The following TOR1AIP2 variants were observed in gnomAD, a reference collection of about 807,000 sequenced individuals.
The protein encoded by TOR1AIP2 is torsin-1A-interacting protein 2.
Under a neutral mutation model 32.6 loss-of-function variants are expected in TOR1AIP2, and 20 were observed. That is an observed-to-expected ratio of 0.61 (90% CI 0.43 to 0.89). The LOEUF (loss-of-function observed/expected upper bound fraction) is 0.89. TOR1AIP2 is among the 40% of genes least tolerant of loss of function. The pLI, the probability that TOR1AIP2 is intolerant of heterozygous loss-of-function variation, is 0.00. For missense variants in TOR1AIP2, 456 were observed against 553.8 expected, an observed-to-expected ratio of 0.82 and a Z score of 1.77; for synonymous variants, 214 against 210.8, an observed-to-expected ratio of 1.02 and a Z score of -0.13.
rs1194359331 is a variant in TOR1AIP2 at position 179,843,530 on chromosome 1, A to AG, written c.*2540_*2541insC. ...TCTCTCAAAAAAAAAAAAAAAAAAA[A>AG]AAGAAGTTTGGTTGGGTGCATTGGG... On this transcript the variant is annotated 3_prime_UTR_variant, in exon 7 of 7. Transcript: ENST00000609928. 1.3e-4 allele frequency: 20 copies of AG among 151,864 alleles called. No individual in the cohort carries two copies. Among genetic ancestry groups the AG allele is most frequent in the African/African-American group, 4.6e-4 (19 of 41,018 alleles). 9.4% of individuals were successfully genotyped at this position (151,864 alleles called of 1,614,324 possible).
intron 2 of TOR1AIP2, among the ~76,000 whole-genome samples, chr1:179,872,013 T>C (rs1291347595): frequency 2.0e-5 from 3 of 152,228 alleles, no homozygotes; most frequent in African/African-American, 7.2e-5. Context: ...AGAAGGCATA[T>C]GGATGACAAT....
At chr1:179,869,896 A>G (rs956539510) in intron 2 of TOR1AIP2, among the ~76,000 whole-genome samples, 1 of 152,236 alleles carries the variant, frequency 6.6e-6, no homozygotes, top group Non-Finnish European at 1.5e-5. Flanking sequence ...AATAACACTT[A>G]GTAGCTAACA....
chr1:179,863,795 A>G (rs1340091590), intron 3 of TOR1AIP2: 5 of 985,192 alleles, frequency 5.1e-6, no homozygotes, highest in Non-Finnish European at 6.0e-6. Flanking sequence ...TGGCATGTTA[A>G]GTGTAATTTA....
chr1:179,866,466 G>A (rs895804061), intron 2 of TOR1AIP2, among the ~76,000 whole-genome samples: 1 of 152,064 alleles, frequency 6.6e-6, no homozygotes. Flanking sequence ...AGGCTGGAGT[G>A]CAATGGCACA....
chr1:179,860,986 A>T lies in TOR1AIP2; in HGVS notation c.-147+4450T>A, dbSNP rs182936329. 4 of 985,100 alleles carry T rather than the reference A, an allele frequency of 4.1e-6. No individual in the cohort carries two copies. In the African/African-American group the frequency reaches 7.0e-5, roughly 17 times the overall value. The allele number at this position is 985,100 out of a possible 1,614,324, so 61.0% of individuals were successfully genotyped here. A position where few individuals can be genotyped will look rare whatever the true frequency, so the allele number is the denominator to read the frequency against. Reference sequence around the variant, plus strand: ...GTAACTCAGAGATGAATCTTACCTCACTCACTCATATCCCCCAACAGCCAC... The same window carrying T: ...GTAACTCAGAGATGAATCTTACCTCTCTCACTCATATCCCCCAACAGCCAC... On this transcript the variant is annotated intron_variant, in intron 3 of 6. Transcript: ENST00000609928.
At chr1:179,864,035 G>T in intron 3 of TOR1AIP2, 1 of 985,392 alleles carries the variant, frequency 1.0e-6, no homozygotes, top group Non-Finnish European at 1.2e-6. Flanking sequence ...ATTTCCAGGG[G>T]AGGACGTTGT....
intron 3 of TOR1AIP2, among the ~76,000 whole-genome samples, chr1:179,853,283 C>T (rs560609391): frequency 1.3e-5 from 2 of 152,306 alleles, no homozygotes; most frequent in South Asian, 4.1e-4. Flanking sequence ...GAGATGGCTG[C>T]TTTGAGGTGT....
intron 3 of TOR1AIP2, chr1:179,862,055 CAA>C: frequency 3.0e-6 from 3 of 985,326 alleles, no homozygotes; most frequent in Non-Finnish European, 3.6e-6. Flanking sequence ...CCTGAGGAAT[CAA>C]AATTTCTAAA....
rs1392954292 is a variant in TOR1AIP2 at position 179,841,748 on chromosome 1, G to A, written c.*4323C>T. On this transcript the variant is annotated 3_prime_UTR_variant, in exon 7 of 7. Transcript: ENST00000609928. ...TAACATTCATTTTTGAAGTGCCAGA[G>A]ACCTGCCTATGTCGCATAAAGTTTG... is the stretch of plus-strand genomic sequence containing the variant. The A allele has an allele frequency of 6.6e-6, 1 of 152,216 alleles. No homozygotes were observed. Among genetic ancestry groups the A allele is most frequent in the Admixed American group, 6.5e-5 (1 of 15,282 alleles). 9.4% of individuals were successfully genotyped at this position (152,216 alleles called of 1,614,324 possible). A position where few individuals can be genotyped will look rare whatever the true frequency, so the allele number is the denominator to read the frequency against.
intron 2 of TOR1AIP2, among the ~76,000 whole-genome samples, chr1:179,870,936 T>C (rs1271589703): frequency 6.6e-6 from 1 of 152,252 alleles, no homozygotes; most frequent in Non-Finnish European, 1.5e-5. Context: ...TTTCACTTAT[T>C]TGAGGAGCGC....
chr1:179,845,566 A>C lies in TOR1AIP2; in HGVS notation c.*505T>G, dbSNP rs1695870757. 1 of 152,654 alleles carries C rather than the reference A, an allele frequency of 6.6e-6. No homozygotes were observed. The highest frequency in any genetic ancestry group is 2.4e-5 in the African/African-American group (1 of 41,464). 9.5% of individuals were successfully genotyped at this position (152,654 alleles called of 1,614,324 possible). A position where few individuals can be genotyped will look rare whatever the true frequency, so the allele number is the denominator to read the frequency against. On this transcript the variant is annotated 3_prime_UTR_variant, in exon 7 of 7. Transcript: ENST00000609928. ...TACTCAAAACTGCAAAATTAATATA[A>C]GATATAATCCCGTAACTTTAGATTA...
Position 179,845,946 on chromosome 1 carries a change from C to T in TOR1AIP2, c.*125G>A, listed in dbSNP as rs1695885520. The T allele has an allele frequency of 2.4e-6, 2 of 834,704 alleles. No homozygotes were observed. The highest frequency in any genetic ancestry group is 3.4e-5 in the African/African-American group (2 of 58,698). The allele number at this position is 834,704 out of a possible 1,614,324, so 51.7% of individuals were successfully genotyped here. ...AATAAAAACTTGTTTCTAAAATAAG[C>T]TCATCTTTGTTTTTCAGGCTATTTC... On this transcript the variant is annotated 3_prime_UTR_variant, in exon 7 of 7. Transcript: ENST00000609928.
intron 3 of TOR1AIP2, among the ~76,000 whole-genome samples, chr1:179,855,751 G>GA (rs1240894666): frequency 6.6e-6 from 1 of 152,050 alleles, no homozygotes. Flanking sequence ...TTAAAATGAG[G>GA]AAAAAATTAG....
rs1182260943 is a variant in TOR1AIP2, at chr1:179,844,088, T to C, written c.*1983A>G. On this transcript the variant is annotated 3_prime_UTR_variant, in exon 7 of 7. Coordinates refer to ENST00000609928, the MANE Select transcript of TOR1AIP2 (RefSeq NM_001199260.2). ...GGTCAGCAGGCCAATATAATAGTTA[T>C]ACAAGGCAACACTGGTTTTGTGGAT... 3 of 152,174 alleles carry C rather than the reference T, an allele frequency of 2.0e-5. No homozygotes were observed. Among genetic ancestry groups the C allele is most frequent in the Middle Eastern group, 3.2e-3 (1 of 316 alleles). 9.4% of individuals were successfully genotyped at this position (152,174 alleles called of 1,614,324 possible). A position where few individuals can be genotyped will look rare whatever the true frequency, so the allele number is the denominator to read the frequency against.
intron 3 of TOR1AIP2, among the ~76,000 whole-genome samples, chr1:179,857,098 T>C (rs1696330138): frequency 6.6e-6 from 1 of 152,246 alleles, no homozygotes; most frequent in African/African-American, 2.4e-5. Flanking sequence ...ATGCTTTTGA[T>C]AGTATCTTCT....
Position 179,846,100 on chromosome 1 carries a change from T to C in TOR1AIP2, c.1384A>G (p.Ser462Gly). The change falls in exon 7 of 7, where the codon AGC becomes GGC. Residue 462 changes from serine (S) to glycine (G), a missense_variant. By Grantham distance (56) the Ser-to-Gly change is moderately conservative (BLOSUM62 0). Transcript: ENST00000609928. The part of the protein sequence containing the change: ...HLVLPVQPVS[S>G]IEEQGCLF ...AAAAGGCACCCCTGTTCTTCTATGC[T>C]ACTCACTGGCTGGACTGGCAGTACC... The C allele has an allele frequency of 6.2e-7, 1 of 1,614,222 alleles. No individual in the cohort carries two copies. Among genetic ancestry groups the C allele is most frequent in the Non-Finnish European group, 8.5e-7 (1 of 1,180,038 alleles).
Position 179,845,975 on chromosome 1 carries a change from A to G in TOR1AIP2, c.*96T>C. On this transcript the variant is annotated 3_prime_UTR_variant, in exon 7 of 7. Transcript: ENST00000609928. ...TCTTTGTTTTTCAGGCTATTTCCTC[A>G]AGCTATTTTATCAACCTCCTTCCAT... 5.4e-6 allele frequency: 6 copies of G among 1,119,058 alleles called. No homozygotes were observed. In the South Asian group the frequency reaches 1.0e-4, roughly 20 times the overall value. The allele number at this position is 1,119,058 out of a possible 1,614,324, so 69.3% of individuals were successfully genotyped here.
At position 179,843,564 on chromosome 1, in the gene TOR1AIP2, G is replaced by A. The variant is rs139197916; in HGVS notation, c.*2507C>T. The A allele has an allele frequency of 5.3e-3, 778 of 146,874 alleles. 7 individuals are homozygous for A. Among genetic ancestry groups the A allele is most frequent in the South Asian group, 0.021 (93 of 4,532 alleles). 9.1% of individuals were successfully genotyped at this position (146,874 alleles called of 1,614,324 possible). A position where few individuals can be genotyped will look rare whatever the true frequency, so the allele number is the denominator to read the frequency against. On this transcript the variant is annotated 3_prime_UTR_variant, in exon 7 of 7. Coordinates refer to ENST00000609928, the MANE Select transcript of TOR1AIP2 (RefSeq NM_001199260.2). Reference sequence around the variant, plus strand: ...TGGTTGGGTGCATTGGGTCACATCTGTAATCCAAACACTTTGGGACGCTGA... The same window carrying A: ...TGGTTGGGTGCATTGGGTCACATCTATAATCCAAACACTTTGGGACGCTGA...
At chr1:179,877,127 G>A (rs1228742662) in intron 2 of TOR1AIP2, 112 bp downstream of exon 2, 3 of 151,724 alleles carry the variant, frequency 2.0e-5, no homozygotes, top group African/African-American at 7.3e-5. Flanking sequence ...AAAATAATTC[G>A]GCTTCTCACC....
Sources: gnomAD v4.1 joint callset for allele counts (sites outside exome capture counted in the v4.1 genomes callset) on GRCh38, gnomAD v4.1.1 for gene constraint, MANE v1.5 for transcripts, NCBI Gene and HGNC (gene_info 2026-07-23, HGNC 2026-07-21) for gene names.